Variants in TTC17 observed in about 807,000 individuals in gnomAD.
TTC17 encodes the protein tetratricopeptide repeat domain 17, also known as tetratricopeptide repeat protein 17.
TTC17 carries 58 observed loss-of-function variants against 143.8 expected under a neutral mutation model. The observed-to-expected ratio is 0.40, with a 90% confidence interval of 0.33 to 0.50. The LOEUF is 0.50. Among genes scored for constraint, TTC17 ranks in the 20% least tolerant of loss-of-function variants. TTC17 has a pLI of 0.49. For missense variants in TTC17, 1,273 were observed against 1,392.5 expected (o/e 0.91, Z 1.37); for synonymous variants, 501 against 497.8 (o/e 1.01, Z -0.09).
intron 2 of TTC17, among the ~76,000 whole-genome samples, chr11:43,385,338 A>G (rs1170342549): frequency 6.6e-6 from 1 of 152,234 alleles, no homozygotes; most frequent in Non-Finnish European, 1.5e-5. Context: ...AATAATTTAC[A>G]AAGTTTTGTT....
intron 22 of TTC17, chr11:43,490,937 T>C (rs1361041638): frequency 2.0e-5 from 3 of 151,056 alleles, no homozygotes; most frequent in African/African-American, 7.3e-5. Flanking sequence ...ATTGTTATGA[T>C]GGATGAGAAA....
Position 43,461,311 on chromosome 11 carries a change from G to A in TTC17, c.3030+10046G>A, listed in dbSNP as rs896368382. Among the ~76,000 whole-genome samples, 5 of 147,226 alleles carry A rather than the reference G, an allele frequency of 3.4e-5. No homozygotes were observed. The East Asian group carries it at 1.0e-3, about 30-fold the overall frequency. ...AGGCAGGAGAATGGCGTGAACCCGG[G>A]AAGCGGAGCTTGCAGTGAGCCGAGA... On this transcript the variant is annotated intron_variant, in intron 21 of 23. Coordinates refer to ENST00000039989, the MANE Select transcript of TTC17 (RefSeq NM_018259.6).
intron 16 of TTC17, among the ~76,000 whole-genome samples, chr11:43,442,546 A>G (rs1358216820): frequency 2.6e-5 from 4 of 152,198 alleles, no homozygotes; most frequent in African/African-American, 9.6e-5. Context: ...AGAATTTTTT[A>G]AAAGAAAGCC....
chr11:43,391,274 C>G (rs1857375446), intron 3 of TTC17, among the ~76,000 whole-genome samples, 191 bp from the exon 4 acceptor site: 2 of 152,066 alleles, frequency 1.3e-5, no homozygotes, highest in African/African-American at 4.8e-5. Flanking sequence ...TGGTGCATGC[C>G]TGTTGTCCCA....
At chr11:43,382,650 T>C (rs1002467661) in intron 2 of TTC17, among the ~76,000 whole-genome samples, 2 of 152,224 alleles carry the variant, frequency 1.3e-5, no homozygotes, top group African/African-American at 4.8e-5. Context: ...TTTGTCTTTC[T>C]CTTACATTTT....
rs889021424 is a variant in TTC17 at position 43,395,540 on chromosome 11, G to A, written c.664-1169G>A. On this transcript the variant is annotated intron_variant, in intron 5 of 23. Coordinates refer to ENST00000039989, the MANE Select transcript of TTC17 (RefSeq NM_018259.6). Reference sequence around the variant, plus strand: ...CCATCAAAAAGAAAACTGAAACCTCGGCCACAAGTCAGTTGTGAAGAATGT... The same window carrying A: ...CCATCAAAAAGAAAACTGAAACCTCAGCCACAAGTCAGTTGTGAAGAATGT... The A allele has an allele frequency of 3.3e-5, 5 of 152,264 alleles. No homozygotes were observed. The East Asian group carries it at 5.8e-4, about 18-fold the overall frequency. 9.4% of individuals were successfully genotyped at this position (152,264 alleles called of 1,614,324 possible).
intron 7 of TTC17, 62 bp downstream of exon 7, chr11:43,397,553 T>TTTC: frequency 7.2e-7 from 1 of 1,392,852 alleles, no homozygotes; most frequent in Non-Finnish European, 9.6e-7. Flanking sequence ...TTTTTTTTTT[T>TTTC]CTCCCCCCTC....
At chr11:43,457,382 G>A (rs186522815) in intron 21 of TTC17, among the ~76,000 whole-genome samples, 20 of 151,970 alleles carry the variant, frequency 1.3e-4, no homozygotes, top group Middle Eastern at 3.4e-3. Flanking sequence ...ATCTGGAGCC[G>A]CTGTGATTCT....
At chr11:43,442,100 G>A (rs1947436623) in intron 16 of TTC17, among the ~76,000 whole-genome samples, 1 of 152,142 alleles carries the variant, frequency 6.6e-6, no homozygotes, top group Admixed American at 6.5e-5. Flanking sequence ...AACCTCTACA[G>A]CATGTTTATG....
chr11:43,492,051 T>A lies in TTC17; in HGVS notation c.3182T>A (p.Leu1061Ter). The change falls in exon 23 of 24, where the codon TTG (leucine) becomes TAG (stop). Residue 1061 changes from leucine (L) to a stop codon, truncating the protein, a stop_gained. Transcript: ENST00000039989. LOFTEE classifies it high-confidence loss of function. ...CCCCTGATTAGCCTGGCCAACATCT[T>A]GCACAATGCCAAGCTCTGGAATGAC... ...DVPLISLANILHNAKLWNDAV... is the reference protein window; with the variant it reads ...DVPLISLANI 2 of 1,614,120 alleles carry A rather than the reference T, an allele frequency of 1.2e-6. No individual in the cohort carries two copies. Among genetic ancestry groups the A allele is most frequent in the Non-Finnish European group, 1.7e-6 (2 of 1,179,976 alleles).
intron 21 of TTC17, among the ~76,000 whole-genome samples, chr11:43,451,749 G>T (rs375458655): frequency 9.9e-5 from 15 of 152,160 alleles, no homozygotes; most frequent in African/African-American, 3.1e-4. Flanking sequence ...TTCTTCCTCT[G>T]TGTGATATTT....
chr11:43,474,406 A>G (rs1106640), intron 21 of TTC17, among the ~76,000 whole-genome samples: 8,172 of 152,348 alleles, frequency 0.054, 245 homozygotes, highest in African/African-American at 0.075. Context: ...ATGGTTTTCC[A>G]TAGAGGAAAG....
At chr11:43,434,124 A>G (rs1422003801) in intron 16 of TTC17, among the ~76,000 whole-genome samples, 1 of 150,636 alleles carries the variant, frequency 6.6e-6, no homozygotes, top group Non-Finnish European at 1.5e-5. Flanking sequence ...GAAAGCAACT[A>G]CCATTGCTCA....
At position 43,365,153 on chromosome 11, in the gene TTC17, T is replaced by G. The variant is rs894127723; in HGVS notation, c.159+6040T>G. ...GGTCACTCTGTCACCCAGGCTAGAG[T>G]GCAGTGGCACCGTCATAGCTCACCG... On this transcript the variant is annotated intron_variant, in intron 1 of 23. Coordinates refer to ENST00000039989, the MANE Select transcript of TTC17 (RefSeq NM_018259.6). Among the ~76,000 whole-genome samples, 13 of 152,164 alleles carry G rather than the reference T, an allele frequency of 8.5e-5. 1 individual carries two copies. Among genetic ancestry groups the G allele is most frequent in the Admixed American group, 5.9e-4 (9 of 15,280 alleles).
chr11:43,476,107 T>C (rs1948179948), intron 21 of TTC17, among the ~76,000 whole-genome samples: 1 of 152,206 alleles, frequency 6.6e-6, no homozygotes, highest in African/African-American at 2.4e-5. Context: ...ATTGTGGACT[T>C]TAGCTTCCAT....
intron 21 of TTC17, among the ~76,000 whole-genome samples, chr11:43,472,841 T>TAAAAAA (rs140936007): frequency 8.7e-6 from 1 of 115,058 alleles, no homozygotes. Context: ...GGAATTAAGC[T>TAAAAAA]AAAAAAAAAA....
chr11:43,462,921 C>CTT (rs562594929), intron 21 of TTC17, among the ~76,000 whole-genome samples: 6 of 117,760 alleles, frequency 5.1e-5, no homozygotes, highest in African/African-American at 8.1e-5. Flanking sequence ...TGACAAAATT[C>CTT]TTTTTTTTTT....
At chr11:43,484,664 G>A (rs1338784608) in intron 21 of TTC17, among the ~76,000 whole-genome samples, 1 of 152,102 alleles carries the variant, frequency 6.6e-6, no homozygotes. Context: ...GAAAAATAAA[G>A]TGAGAGTTGC....
intron 1 of TTC17, among the ~76,000 whole-genome samples, chr11:43,371,945 A>T (rs1856582983): frequency 6.6e-6 from 1 of 152,134 alleles, no homozygotes; most frequent in South Asian, 2.1e-4. Context: ...GCAGCAGCTC[A>T]CCTGTAGTCC....
Sources: allele counts gnomAD v4.1 joint callset (sites outside exome capture counted in the v4.1 genomes callset), GRCh38; gene constraint gnomAD v4.1.1; transcripts MANE v1.5; gene names NCBI Gene and HGNC (gene_info 2026-07-23, HGNC 2026-07-21).